The following EPSTI1 variants were observed in gnomAD, a reference collection of about 807,000 sequenced individuals.
The protein encoded by EPSTI1 is epithelial-stromal interaction protein 1.
EPSTI1 carries 66 observed loss-of-function variants against 49.9 expected under a neutral mutation model. That is an observed-to-expected ratio of 1.32 (90% CI 1.08 to 1.62). The LOEUF is 1.62. Among genes scored for constraint, EPSTI1 ranks in the 40% most tolerant of loss-of-function variants. The probability of loss-of-function intolerance (pLI) is 0.00; values close to 1 mark genes in which losing one functional copy is unlikely to be tolerated. For synonymous variants in EPSTI1, 137 were observed against 130.7 expected (o/e 1.05, Z -0.33); for missense variants, 394 against 365.5 (o/e 1.08, Z -0.64).
At chr13:42,989,015 G>A (rs906478132) in intron 1 of EPSTI1, among the ~76,000 whole-genome samples, 7 of 146,756 alleles carry the variant, frequency 4.8e-5, no homozygotes, top group East Asian at 2.0e-4. Context: ...ATGTGCCACC[G>A]TGCCCAGATA....
intron 6 of EPSTI1, among the ~76,000 whole-genome samples, chr13:42,932,056 C>G (rs990662532): frequency 2.6e-5 from 4 of 152,126 alleles, no homozygotes; most frequent in African/African-American, 4.8e-5. Flanking sequence ...CCTCCTACAT[C>G]AACCTCCCAA....
At chr13:42,914,427 T>TA (rs1017820530) in intron 8 of EPSTI1, among the ~76,000 whole-genome samples, 117 of 146,588 alleles carry the variant, frequency 8.0e-4, no homozygotes, top group African/African-American at 2.1e-3. Context: ...ATAATACAGT[T>TA]AAAAAAAAAA....
At chr13:42,968,070 G>A (rs568082237) in intron 3 of EPSTI1, among the ~76,000 whole-genome samples, 3 of 152,262 alleles carry the variant, frequency 2.0e-5, no homozygotes, top group African/African-American at 7.2e-5. Context: ...GTTTGAAAGA[G>A]ACCAAAAAGC....
chr13:42,906,736 CA>C (rs1015516688), intron 8 of EPSTI1, among the ~76,000 whole-genome samples: 2 of 152,148 alleles, frequency 1.3e-5, no homozygotes, highest in African/African-American at 2.4e-5. Flanking sequence ...AGCTACCACC[CA>C]AAATTTTCAG....
In EPSTI1 at chr13:42,956,880, A is replaced by G. The variant is rs544349813; in HGVS notation, c.490-2859T>C. ...AGAAAGTAAGAAGGAATAATTATAT[A>G]GGAATGTATGTGCCAAGTAAAGGAG... On this transcript the variant is annotated intron_variant, in intron 5 of 10. Transcript: ENST00000313624. Among the ~76,000 whole-genome samples the G allele has an allele frequency of 8.8e-4, 134 of 152,356 alleles. 1 individual carries two copies. The highest frequency in any genetic ancestry group is 3.0e-3 in the African/African-American group (125 of 41,584).
intron 8 of EPSTI1, among the ~76,000 whole-genome samples, chr13:42,916,134 A>G (rs567513012): frequency 2.0e-5 from 3 of 152,178 alleles, no homozygotes; most frequent in Admixed American, 6.5e-5. Context: ...GTCATTTAGC[A>G]GACATCATTA....
intron 10 of EPSTI1, among the ~76,000 whole-genome samples, chr13:42,892,496 G>T (rs2037066943): frequency 6.6e-6 from 1 of 152,164 alleles, no homozygotes; most frequent in African/African-American, 2.4e-5. Context: ...GTGGGTGTGA[G>T]AGAGGGATTG....
intron 7 of EPSTI1, among the ~76,000 whole-genome samples, chr13:42,920,738 G>T (rs1490410959): frequency 6.6e-6 from 1 of 152,252 alleles, no homozygotes; most frequent in East Asian, 1.9e-4. Context: ...CAAATGCCAG[G>T]CTGAGAATGA....
intron 6 of EPSTI1, among the ~76,000 whole-genome samples, chr13:42,943,912 G>GA (rs550355550): frequency 1.3e-5 from 2 of 152,044 alleles, no homozygotes; most frequent in East Asian, 3.8e-4. Flanking sequence ...ACAAACATAT[G>GA]AAAAAAAGCT....
At chr13:42,970,120 G>A (rs1479804342) in intron 2 of EPSTI1, 1 of 152,244 alleles carries the variant, frequency 6.6e-6, no homozygotes, top group African/African-American at 2.4e-5. Context: ...TAATAAAGGA[G>A]ACCATCGAAT....
chr13:42,891,803 C>T (rs1466833577), intron 10 of EPSTI1, among the ~76,000 whole-genome samples: 7 of 152,164 alleles, frequency 4.6e-5, no homozygotes, highest in African/African-American at 1.2e-4. Context: ...AATCCAATGG[C>T]CCCACCCTTG....
rs1200549817 is a variant in EPSTI1 at position 42,922,430 on chromosome 13, G to A, written c.657+3906C>T. On this transcript the variant is annotated intron_variant, in intron 7 of 10. Coordinates refer to ENST00000313624, the MANE Select transcript of EPSTI1 (RefSeq NM_033255.5). The surrounding 1 kb of genome is among the most constrained non-coding windows in gnomAD (Gnocchi z 4.8). ...GGTCAGGGAGGGTGCAGAAGGTTGG[G>A]TGAGATGGAAGCTAAACTGGAGCCA... Among the ~76,000 whole-genome samples the A allele has an allele frequency of 1.3e-5, 2 of 152,184 alleles. No individual in the cohort carries two copies. The highest frequency in any genetic ancestry group is 2.1e-4 in the South Asian group (1 of 4,820).
intron 8 of EPSTI1, among the ~76,000 whole-genome samples, chr13:42,910,715 C>T (rs2037645779): frequency 6.6e-6 from 1 of 152,048 alleles, no homozygotes; most frequent in Admixed American, 6.5e-5. Context: ...ATATCCAAAC[C>T]TTGTTCCATT....
chr13:42,986,743 T>C (rs1475528853), intron 1 of EPSTI1, among the ~76,000 whole-genome samples: 1 of 22,402 alleles, frequency 4.5e-5, no homozygotes, highest in Non-Finnish European at 7.9e-5. Flanking sequence ...AGATTCCATC[T>C]CAAAAAAAAA....
intron 1 of EPSTI1, among the ~76,000 whole-genome samples, chr13:42,978,897 T>C (rs1402310880): frequency 6.6e-6 from 1 of 152,182 alleles, no homozygotes; most frequent in Non-Finnish European, 1.5e-5. Context: ...TAAATATATA[T>C]CATTAAGTTT....
chr13:42,918,964 AAG>A (rs1457645475), intron 7 of EPSTI1, among the ~76,000 whole-genome samples: 1 of 152,092 alleles, frequency 6.6e-6, no homozygotes, highest in Non-Finnish European at 1.5e-5. Flanking sequence ...GGAGGGTGAG[AAG>A]AGAGGACAGG....
intron 5 of EPSTI1, among the ~76,000 whole-genome samples, chr13:42,956,300 G>C (rs192721033): frequency 1.3e-5 from 2 of 152,300 alleles, no homozygotes; most frequent in East Asian, 3.9e-4. Flanking sequence ...TCTTTCTATG[G>C]AGAGTGGACT....
chr13:42,890,285 T>A (rs1250997836), intron 10 of EPSTI1, among the ~76,000 whole-genome samples: 4 of 111,684 alleles, frequency 3.6e-5, no homozygotes, highest in African/African-American at 1.3e-4. Context: ...TTTAAGAATT[T>A]TTTTTCTTTT....
intron 10 of EPSTI1, among the ~76,000 whole-genome samples, chr13:42,889,996 A>G (rs9533292): frequency 0.96 from 145,662 of 152,198 alleles, 70,012 homozygotes; most frequent in East Asian, 1. Context: ...AGCATTTGCC[A>G]GAGTCTGTTT....
Sources: allele counts gnomAD v4.1 joint callset (sites outside exome capture counted in the v4.1 genomes callset), GRCh38; gene constraint gnomAD v4.1.1; non-coding constraint Gnocchi (gnomAD v3.1); transcripts MANE v1.5; gene names NCBI Gene and HGNC (gene_info 2026-07-23, HGNC 2026-07-21).